The following SIK3 variants were observed in gnomAD, a reference collection of about 807,000 sequenced individuals.
SIK3 encodes SIK family kinase 3.
Under a neutral mutation model 144.2 loss-of-function variants are expected in SIK3, and 28 were observed. That is an observed-to-expected ratio of 0.19 (90% CI 0.14 to 0.27). The LOEUF (loss-of-function observed/expected upper bound fraction) is 0.27. Ranked by LOEUF, SIK3 falls within the 10% of genes least tolerant of loss-of-function variation. The pLI, the probability that SIK3 is intolerant of heterozygous loss-of-function variation, is 1.00. For synonymous variants in SIK3, 686 were observed against 676.3 expected (o/e 1.01, Z -0.22); for missense variants, 1,319 against 1,776.0 (o/e 0.74, Z 4.62).
intron 3 of SIK3, among the ~76,000 whole-genome samples, chr11:116,947,174 A>G (rs1948661750): frequency 7.2e-6 from 1 of 139,318 alleles, no homozygotes; most frequent in East Asian, 2.0e-4. Flanking sequence ...ATAAATTATT[A>G]TTTATATATA....
chr11:117,094,644 C>G (rs1955390905), intron 1 of SIK3, among the ~76,000 whole-genome samples: 1 of 152,066 alleles, frequency 6.6e-6, no homozygotes, highest in African/African-American at 2.4e-5. Flanking sequence ...CATACAAAAT[C>G]TATCTACTCT....
At chr11:117,076,382 C>T (rs979530229) in intron 1 of SIK3, among the ~76,000 whole-genome samples, 21 of 152,108 alleles carry the variant, frequency 1.4e-4, no homozygotes, top group Admixed American at 6.6e-4. Flanking sequence ...CAGACCATCC[C>T]CCTATTTACA....
intron 1 of SIK3, among the ~76,000 whole-genome samples, chr11:117,062,112 G>T (rs1728729009): frequency 6.6e-6 from 1 of 151,882 alleles, no homozygotes; most frequent in African/African-American, 2.4e-5. Context: ...ATCATTTGAG[G>T]TCAGGAGTTC....
At chr11:117,089,306 C>T (rs1340502400) in intron 1 of SIK3, among the ~76,000 whole-genome samples, 1 of 151,482 alleles carries the variant, frequency 6.6e-6, no homozygotes, top group Non-Finnish European at 1.5e-5. Flanking sequence ...ACTCTGGAGG[C>T]TGAGACAGGA....
At chr11:116,882,788 T>C (rs1370271832) in intron 6 of SIK3, among the ~76,000 whole-genome samples, 2 of 152,224 alleles carry the variant, frequency 1.3e-5, no homozygotes, top group Admixed American at 1.3e-4. Context: ...AAGAGTTCTA[T>C]ATTTTCAATA....
chr11:117,084,423 A>C (rs113935159), intron 1 of SIK3, among the ~76,000 whole-genome samples: 4,909 of 151,810 alleles, frequency 0.032, 113 homozygotes, highest in Non-Finnish European at 0.049. Context: ...GCACCAACAC[A>C]CCCAGCTAAT....
At chr11:116,942,715 A>T (rs904223179) in intron 3 of SIK3, among the ~76,000 whole-genome samples, 2 of 152,208 alleles carry the variant, frequency 1.3e-5, no homozygotes, top group African/African-American at 4.8e-5. Flanking sequence ...TTAAAGCGGG[A>T]GCACAGCGAA....
chr11:116,862,523 G>C (rs1366581694), intron 16 of SIK3, among the ~76,000 whole-genome samples, 196 bp from the exon 17 acceptor site: 2 of 152,226 alleles, frequency 1.3e-5, no homozygotes, highest in African/African-American at 4.8e-5. Flanking sequence ...CTGTATGAAT[G>C]AATGGAAAAC....
rs1216512167 is a variant in SIK3, at chr11:116,846,727, G to A, written c.3953-174C>T. ...AGGTGTTGAGTGACGATGGGCGGGG[G>A]CCAAGATTCTTCCTATATTCTCCTC... On this transcript the variant is annotated intron_variant, in intron 23 of 24. Transcript: ENST00000445177. The surrounding 1 kb of genome is among the most constrained non-coding windows in gnomAD (Gnocchi z 4.1). 1.3e-5 allele frequency among the ~76,000 whole-genome samples: 2 copies of A among 152,136 alleles called. No individual in the cohort carries two copies. The highest frequency in any genetic ancestry group is 4.8e-5 in the African/African-American group (2 of 41,426).
chr11:116,858,199 T>C lies in SIK3; in HGVS notation c.3266A>G (p.Glu1089Gly). The C allele has an allele frequency of 6.2e-7, 1 of 1,614,144 alleles. No homozygotes were observed. The highest frequency in any genetic ancestry group is 8.5e-7 in the Non-Finnish European group (1 of 1,180,018). Residue 1089 changes from glutamate to glycine, a missense_variant, in exon 21 of 25, where the codon GAG (glutamate) becomes GGG (glycine). Physicochemically the swap from Glu to Gly is moderately conservative, Grantham distance 98. This residue lies in a region of SIK3 where 646 missense variants were observed against 763.7 expected (regional missense o/e 0.85). Coordinates refer to ENST00000445177, the MANE Select transcript of SIK3 (RefSeq NM_001366686.3). The surrounding 1 kb of genome is among the most constrained non-coding windows in gnomAD (Gnocchi z 5.4). ...ATTTTGATAAGATAAAGCCTGGCGC[T>C]CTGTCATGCTCTGTCCCCCAAGGCT... ...APSLGGQSMTERQALSYQNAD... is the reference protein window; with the variant it reads ...APSLGGQSMTGRQALSYQNAD...
chr11:116,993,746 A>G (rs971057076), intron 1 of SIK3, among the ~76,000 whole-genome samples: 1 of 152,210 alleles, frequency 6.6e-6, no homozygotes, highest in African/African-American at 2.4e-5. Flanking sequence ...GAATGAGCGG[A>G]AAAATCATTA....
intron 1 of SIK3, among the ~76,000 whole-genome samples, chr11:117,029,021 G>A (rs985509395): frequency 3.3e-5 from 5 of 151,438 alleles, no homozygotes; most frequent in African/African-American, 7.3e-5. Context: ...TGATTTTCCC[G>A]CCTCAGCCTC....
chr11:116,910,596 G>A (rs1946288221), intron 4 of SIK3, among the ~76,000 whole-genome samples: 2 of 152,100 alleles, frequency 1.3e-5, no homozygotes, highest in Admixed American at 1.3e-4. Context: ...CCGGAGTGCT[G>A]TACTGCTCCA....
chr11:117,035,712 G>T, intron 1 of SIK3: 1 of 940,082 alleles, frequency 1.1e-6, no homozygotes. Flanking sequence ...ATGCCACCAT[G>T]CCCGGCTAAT....
At chr11:116,909,180 C>A (rs1419900463) in intron 4 of SIK3, among the ~76,000 whole-genome samples, 1 of 152,068 alleles carries the variant, frequency 6.6e-6, no homozygotes, top group African/African-American at 2.4e-5. Context: ...CAATATGATT[C>A]TATTCATGTA....
intron 1 of SIK3, among the ~76,000 whole-genome samples, chr11:117,038,250 CCAAA>C (rs544694345): frequency 3.9e-5 from 6 of 152,270 alleles, no homozygotes; most frequent in South Asian, 4.1e-4. Flanking sequence ...ACCCGCTCAA[CCAAA>C]CAAAGAACCA....
intron 1 of SIK3, among the ~76,000 whole-genome samples, chr11:117,056,349 G>A (rs1953517248): frequency 6.6e-6 from 1 of 151,980 alleles, no homozygotes; most frequent in Non-Finnish European, 1.5e-5. Flanking sequence ...CACAGGAAGG[G>A]GAACATCACA....
intron 1 of SIK3, among the ~76,000 whole-genome samples, chr11:116,964,261 A>G (rs1055532682): frequency 6.6e-6 from 1 of 152,140 alleles, no homozygotes; most frequent in African/African-American, 2.4e-5. Context: ...TCAGTCTCCT[A>G]AAGTGCTGGG....
At chr11:116,965,732 AAAATATATATATATATATATATATAT>A (rs1949504921) in intron 1 of SIK3, among the ~76,000 whole-genome samples, 1 of 77,306 alleles carries the variant, frequency 1.3e-5, no homozygotes, top group African/African-American at 5.8e-5. Context: ...CGTCTCTGCT[AAAATATATATATATATATATATATAT>A]ATATATATAT....
Sources: gnomAD v4.1 joint callset for allele counts (sites outside exome capture counted in the v4.1 genomes callset) on GRCh38, gnomAD v4.1.1 for gene constraint, gnomAD v4.1.1 regional missense constraint, Gnocchi (gnomAD v3.1) non-coding constraint, MANE v1.5 for transcripts, NCBI Gene and HGNC (gene_info 2026-07-23, HGNC 2026-07-21) for gene names.